BABAM1: variants seen among roughly 807,000 people sequenced by gnomAD.
BABAM1 encodes the protein BRISC and BRCA1 A complex member 1.
Under a neutral mutation model 34.4 loss-of-function variants are expected in BABAM1, and 14 were observed. The observed-to-expected ratio is 0.41, with a 90% CI of 0.27 to 0.64. BABAM1 has a LOEUF of 0.64. Ranked by LOEUF, BABAM1 falls within the 30% of genes least tolerant of loss-of-function variation. The probability of loss-of-function intolerance (pLI) is 0.34; values close to 1 mark genes in which losing one functional copy is unlikely to be tolerated. For synonymous variants in BABAM1, 169 were observed against 165.8 expected (o/e 1.02, Z -0.15); for missense variants, 393 against 434.0 (o/e 0.91, Z 0.84).
chr19:17,274,468 T>A, intron 5 of BABAM1: 1 of 416,050 alleles, frequency 2.4e-6, no homozygotes. Flanking sequence ...CTTGCGAGGC[T>A]GAGGCACAAG....
intron 7 of BABAM1, 89 bp downstream of exon 7, chr19:17,276,713 G>T: frequency 1.3e-6 from 2 of 1,556,004 alleles, no homozygotes. Context: ...CAGAGGCTGG[G>T]GTGCCTAGAG....
At chr19:17,276,117 C>T (rs932663813) in intron 6 of BABAM1, among the ~76,000 whole-genome samples, 4 of 152,076 alleles carry the variant, frequency 2.6e-5, no homozygotes, top group Non-Finnish European at 5.9e-5. Flanking sequence ...GAGGCCGAGG[C>T]GGGCAGATCA....
At chr19:17,269,927 T>A (rs1343279156) in intron 2 of BABAM1, among the ~76,000 whole-genome samples, 1 of 149,036 alleles carries the variant, frequency 6.7e-6, no homozygotes, top group Non-Finnish European at 1.5e-5. Context: ...GTTTCTTTCT[T>A]TCTTTTTTTT....
intron 3 of BABAM1, 95 bp from the exon 4 acceptor site, chr19:17,273,809 T>G (rs1386666879): frequency 1.4e-6 from 2 of 1,443,012 alleles, no homozygotes; most frequent in Non-Finnish European, 1.9e-6. Flanking sequence ...GTGATCCACC[T>G]GCCTCAGCCT....
At chr19:17,273,564 GTTTTTT>G (rs754203595) in intron 3 of BABAM1, among the ~76,000 whole-genome samples, 1 of 45,940 alleles carries the variant, frequency 2.2e-5, no homozygotes, top group African/African-American at 6.5e-5. Flanking sequence ...TGTTTGTTTT[GTTTTTT>G]TTTTTTTTTT....
chr19:17,278,972 G>A lies in BABAM1; in HGVS notation c.914G>A (p.Arg305Gln), dbSNP rs1281173724. 5.0e-6 allele frequency: 8 copies of A among 1,612,694 alleles called. No homozygotes were observed. The highest frequency in any genetic ancestry group is 2.2e-5 in the East Asian group (1 of 44,868). The part of the protein sequence containing the change: ...MAKLLAHPLQ[R>Q]PCQSHASYSL... ...AAACTGTTGGCCCACCCCCTGCAGC[G>A]GCCTTGCCAGAGCCATGCTTCCTAC... Residue 305 changes from arginine (R) to glutamine (Q), a missense_variant, in exon 9 of 9, where the codon CGG becomes CAG. Coordinates refer to ENST00000598188, the MANE Select transcript of BABAM1 (RefSeq NM_014173.4).
Position 17,269,018 on chromosome 19 carries a change from A to C in BABAM1, c.212A>C (p.Lys71Thr). 6.3e-7 allele frequency: 1 copy of C among 1,593,500 alleles called. No homozygotes were observed. Among genetic ancestry groups the C allele is most frequent in the Non-Finnish European group, 8.5e-7 (1 of 1,171,248 alleles). ...GSLNTSGAGPKSWQVPPPAPE... is the reference protein window; with the variant it reads ...GSLNTSGAGPTSWQVPPPAPE... ...CTCAACACTTCAGGAGCCGGCCCTA[A>C]GTCCTGGCAGGTGCCCCCGCCAGCC... Residue 71 changes from lysine (K) to threonine (T), a missense_variant, in exon 2 of 9, where the codon AAG (lysine) becomes ACG (threonine). Physicochemically the swap from Lys to Thr is moderately conservative, Grantham distance 78 (BLOSUM62 -1). Coordinates refer to ENST00000598188, the MANE Select transcript of BABAM1 (RefSeq NM_014173.4).
Position 17,275,954 on chromosome 19 carries a change from C to A in BABAM1, c.569+129C>A. The A allele has an allele frequency of 5.8e-6, 6 of 1,033,976 alleles. No homozygotes were observed. In the Admixed American group the frequency reaches 9.6e-5, roughly 17 times the overall value. The allele number at this position is 1,033,976 out of a possible 1,614,324, so 64.1% of individuals were successfully genotyped here. A position where few individuals can be genotyped will look rare whatever the true frequency, so the allele number is the denominator to read the frequency against. ...TCCTCCCTTCCTACCTCGCCCCGAG[C>A]AATTCCTCATTTATGTGTGTCTTGG... On this transcript the variant is annotated intron_variant, in intron 6 of 8. Coordinates refer to ENST00000598188, the MANE Select transcript of BABAM1 (RefSeq NM_014173.4).
At chr19:17,276,307 G>A (rs2073907176) in intron 6 of BABAM1, 188 bp from the exon 7 acceptor site, 1 of 790,584 alleles carries the variant, frequency 1.3e-6, no homozygotes, top group South Asian at 1.8e-5. Context: ...TGCACTTAGA[G>A]GGGTGGGGCT....
Position 17,278,921 on chromosome 19 carries a change from C to T in BABAM1, c.863C>T (p.Ala288Val), listed in dbSNP as rs2073943618. Residue 288 changes from alanine (A) to valine (V), a missense_variant, in exon 9 of 9, where the codon GCC becomes GTC. By Grantham distance (64) the Ala-to-Val change is moderately conservative. Transcript: ENST00000598188. Reference sequence around the variant, plus strand: ...TATGAGGTGGCACTGGCTGGGCCAGCCCTGGAGTTGCACAACTGCATGGCG... The same window carrying T: ...TATGAGGTGGCACTGGCTGGGCCAGTCCTGGAGTTGCACAACTGCATGGCG... ...YKYEVALAGPALELHNCMAKL... is the reference protein window; with the variant it reads ...YKYEVALAGPVLELHNCMAKL... 1.2e-6 allele frequency: 2 copies of T among 1,613,400 alleles called. No homozygotes were observed. The highest frequency in any genetic ancestry group is 1.7e-6 in the Non-Finnish European group (2 of 1,179,762).
chr19:17,269,727 A>ATTTT (rs1023530092), intron 2 of BABAM1, among the ~76,000 whole-genome samples: 1 of 138,016 alleles, frequency 7.2e-6, no homozygotes, highest in Admixed American at 7.3e-5. Context: ...TCTTTGCCCA[A>ATTTT]TTTTTTTTTT....
At chr19:17,272,830 G>A (rs915123027) in intron 3 of BABAM1, among the ~76,000 whole-genome samples, 12 of 152,126 alleles carry the variant, frequency 7.9e-5, no homozygotes, top group African/African-American at 2.2e-4. Flanking sequence ...CAGCCTGGCC[G>A]ACATAGTGAA....
Position 17,274,003 on chromosome 19 carries a change from G to T in BABAM1, c.444G>T (p.Val148=), listed in dbSNP as rs1250116765. 1.9e-6 allele frequency: 3 copies of T among 1,613,858 alleles called. No homozygotes were observed. In the East Asian group the frequency reaches 6.7e-5, roughly 36 times the overall value. Residue 148 remains valine (V), a synonymous_variant, in exon 4 of 9, where the codon GTG becomes GTT. Transcript: ENST00000598188. ...AAAGCCACGAGTTTGCACTGGTGGT[G>T]GTGAACGATGACACGGCCTGGGTGA... ...IDKSHEFALV[V]VNDDTAWLSG... is the part of the protein sequence containing the mutation.
At chr19:17,270,864 A>G (rs1295582222) in intron 2 of BABAM1, among the ~76,000 whole-genome samples, 2 of 145,560 alleles carry the variant, frequency 1.4e-5, no homozygotes. Context: ...ATTTTTTTGT[A>G]TTTTTTTAGT....
chr19:17,268,535 T>C (rs1335603408), intron 1 of BABAM1: 1 of 285,888 alleles, frequency 3.5e-6, no homozygotes, highest in Non-Finnish European at 6.6e-6. Context: ...GTTCAAGCGA[T>C]TCTCCTGCCT....
chr19:17,275,757 G>A (rs772252680), intron 5 of BABAM1, 44 bp from the exon 6 acceptor site: 29 of 1,612,882 alleles, frequency 1.8e-5, no homozygotes, highest in South Asian at 2.2e-5. Context: ...CCTGTTTCCC[G>A]CTCACTCGTG....
At chr19:17,277,917 C>T (rs953701594) in intron 8 of BABAM1, among the ~76,000 whole-genome samples, 1 of 151,360 alleles carries the variant, frequency 6.6e-6, no homozygotes, top group African/African-American at 2.4e-5. Flanking sequence ...TGGCTCACAC[C>T]TGTAATCCCA....
At chr19:17,277,034 C>G (rs1236982465) in intron 8 of BABAM1, 125 bp downstream of exon 8, 1 of 898,932 alleles carries the variant, frequency 1.1e-6, no homozygotes, top group Admixed American at 2.5e-5. Context: ...TGGGGTAGGT[C>G]ATGGCATTGG....
At chr19:17,275,677 C>A in intron 5 of BABAM1, 124 bp from the exon 6 acceptor site, 1 of 1,244,382 alleles carries the variant, frequency 8.0e-7, no homozygotes, top group Non-Finnish European at 1.2e-6. Context: ...GGGCAAGTGA[C>A]TTGGCCAGGG....
Sources: gnomAD v4.1 joint callset for allele counts (sites outside exome capture counted in the v4.1 genomes callset) on GRCh38, gnomAD v4.1.1 for gene constraint, MANE v1.5 for transcripts, NCBI Gene and HGNC (gene_info 2026-07-23, HGNC 2026-07-21) for gene names.